FGF8: variants seen among roughly 807,000 people sequenced by gnomAD.
FGF8 encodes androgen-induced growth factor.
FGF8 carries 12 observed loss-of-function variants against 29.7 expected under a neutral mutation model. That is an observed-to-expected ratio of 0.40 (90% CI 0.26 to 0.65). FGF8 has a LOEUF of 0.65. Among genes scored for constraint, FGF8 ranks in the 30% least tolerant of loss-of-function variants. The probability of loss-of-function intolerance (pLI) is 0.37; values close to 1 mark genes in which losing one functional copy is unlikely to be tolerated. For synonymous variants in FGF8, 157 were observed against 144.4 expected, an observed-to-expected ratio of 1.09 and a Z score of -0.63; for missense variants, 271 against 345.1, an observed-to-expected ratio of 0.79 and a Z score of 1.70.
Position 101,770,448 on chromosome 10 carries a change from G to A in FGF8, c.616C>T (p.Arg206Trp). The A allele has an allele frequency of 6.2e-7, 1 of 1,610,842 alleles. No homozygotes were observed. Among genetic ancestry groups the A allele is most frequent in the Non-Finnish European group, 8.5e-7 (1 of 1,178,738 alleles). ...QHQREVHFMKRLPRGHHTTEQ... is the reference protein window; with the variant it reads ...QHQREVHFMKWLPRGHHTTEQ... ...GTGGTGTGGTGGCCCCGGGGCAGCCGCTTCATGAAGTGGACCTCACGCTGG... is the reference window on the plus strand; with the variant it reads ...GTGGTGTGGTGGCCCCGGGGCAGCCACTTCATGAAGTGGACCTCACGCTGG... The change falls in exon 6 of 6, where the codon CGG (arginine) becomes TGG (tryptophan). Residue 206 changes from arginine (R) to tryptophan (W), a missense_variant. Physicochemically the swap from Arg to Trp is moderately radical, Grantham distance 101 (BLOSUM62 -3). Coordinates refer to ENST00000320185, the MANE Select transcript of FGF8 (RefSeq NM_033163.5).
Position 101,775,672 on chromosome 10 carries a change from G to A in FGF8, c.69+68C>T, listed in dbSNP as rs1397147245. The A allele has an allele frequency of 2.6e-6, 4 of 1,515,418 alleles. No homozygotes were observed. Among genetic ancestry groups the A allele is most frequent in the Non-Finnish European group, 3.5e-6 (4 of 1,127,032 alleles). The allele number at this position is 1,515,418 out of a possible 1,614,324, so 93.9% of individuals were successfully genotyped here. A position where few individuals can be genotyped will look rare whatever the true frequency, so the allele number is the denominator to read the frequency against. ...CCGCAGAGTCAGTCCCGGTGCCCCC[G>A]ACCGGCGCTGCCCACCCGGGTCTCA... On this transcript the variant is annotated intron_variant, in intron 2 of 5. Coordinates refer to ENST00000320185, the MANE Select transcript of FGF8 (RefSeq NM_033163.5). The surrounding 1 kb of genome is among the most constrained non-coding windows in gnomAD (Gnocchi z 4.6).
At chr10:101,780,099 G>A (rs978118620), upstream of FGF8, among the ~76,000 whole-genome samples, 3 of 152,326 alleles carry the variant, frequency 2.0e-5, no homozygotes, top group South Asian at 6.2e-4. Context: ...TGCCGACCGC[G>A]CTCCGCAGCG....
upstream of FGF8, among the ~76,000 whole-genome samples, chr10:101,777,227 C>T (rs1394284573): frequency 6.6e-6 from 1 of 152,186 alleles, no homozygotes; most frequent in Non-Finnish European, 1.5e-5. Context: ...TCTGGAAACC[C>T]TGAGCCCCCA....
upstream of FGF8, chr10:101,780,284 C>T (rs2065131920): frequency 6.6e-6 from 1 of 152,324 alleles, no homozygotes; most frequent in Non-Finnish European, 1.5e-5. Context: ...AACTGGACCC[C>T]TAGTTCCTCA....
rs779071534 is a variant in FGF8, at chr10:101,770,461, G to T, written c.603C>A (p.Val201=). Residue 201 remains valine (V), a synonymous_variant, in exon 6 of 6, where the codon GTC becomes GTA. Transcript: ENST00000320185. Reference sequence around the variant, plus strand: ...CCCGGGGCAGCCGCTTCATGAAGTGGACCTCACGCTGGTGCTGCCGCGTCT... The same window carrying T: ...CCCGGGGCAGCCGCTTCATGAAGTGTACCTCACGCTGGTGCTGCCGCGTCT... The part of the protein sequence containing the change: ...GSKTRQHQRE[V]HFMKRLPRGH... The T allele has an allele frequency of 6.2e-7, 1 of 1,612,574 alleles. No individual in the cohort carries two copies. Among genetic ancestry groups the T allele is most frequent in the Non-Finnish European group, 8.5e-7 (1 of 1,179,356 alleles).
chr10:101,774,137 T>C (rs2065058136), intron 4 of FGF8, among the ~76,000 whole-genome samples: 1 of 152,210 alleles, frequency 6.6e-6, no homozygotes, highest in Admixed American at 6.5e-5. Context: ...GTTTTAGAAA[T>C]CAATCAGTCC....
Position 101,771,346 on chromosome 10 carries a change from C to T in FGF8, c.444+117G>A. 1.3e-6 allele frequency: 1 copy of T among 773,944 alleles called. No individual in the cohort carries two copies. The allele number at this position is 773,944 out of a possible 1,614,324, so 47.9% of individuals were successfully genotyped here. On this transcript the variant is annotated intron_variant, in intron 5 of 5. Transcript: ENST00000320185. The surrounding 1 kb of genome is among the most constrained non-coding windows in gnomAD (Gnocchi z 5.3). ...AATCGTGAGGTAACCCCAAGATGGC[C>T]CTGTGGCCTTCTGCCTACCTTGTTG...
At chr10:101,776,669 C>T (rs554121402), upstream of FGF8, among the ~76,000 whole-genome samples, 1 of 152,094 alleles carries the variant, frequency 6.6e-6, no homozygotes, top group African/African-American at 2.4e-5. Context: ...CGAATGGCTG[C>T]GCACCCGGCC....
upstream of FGF8, among the ~76,000 whole-genome samples, chr10:101,779,550 CTGA>C (rs2065126610): frequency 6.6e-6 from 1 of 152,104 alleles, no homozygotes; most frequent in African/African-American, 2.4e-5. This position sits in a 1 kb window ranked among gnomAD's most constrained non-coding sequence, Gnocchi z 5.7. Context: ...GGCCGAGAGG[CTGA>C]TGTGGATTGG....
upstream of FGF8, among the ~76,000 whole-genome samples, chr10:101,776,287 G>A (rs571683960): frequency 3.1e-3 from 462 of 146,784 alleles, 6 homozygotes; most frequent in South Asian, 6.5e-3. Context: ...GATGCAGCCC[G>A]GGGCGGGGGC....
chr10:101,774,664 G>C (rs1311468773), intron 4 of FGF8, 68 bp downstream of exon 4: 2 of 1,379,886 alleles, frequency 1.4e-6, no homozygotes, highest in South Asian at 1.2e-5. Context: ...GCAGGCCCCC[G>C]GCCAGTGCAG....
In FGF8 at chr10:101,775,839, G is replaced by A; in HGVS notation, c.32+30C>T. On this transcript the variant is annotated intron_variant, in intron 1 of 5. Coordinates refer to ENST00000320185, the MANE Select transcript of FGF8 (RefSeq NM_033163.5). This position sits in a 1 kb window ranked among gnomAD's most constrained non-coding sequence, Gnocchi z 4.6. ...GGTGAGGCGAGGGGCGCGGGGGGCG[G>A]GTGGCGGGGCAGGGCGGCGCGGTAC... is the stretch of plus-strand genomic sequence containing the variant. 6.6e-7 allele frequency: 1 copy of A among 1,516,576 alleles called. No homozygotes were observed. Among genetic ancestry groups the A allele is most frequent in the Non-Finnish European group, 8.8e-7 (1 of 1,135,802 alleles). 93.9% of individuals were successfully genotyped at this position (1,516,576 alleles called of 1,614,324 possible).
At chr10:101,776,879 C>CAA (rs1420451312), upstream of FGF8, among the ~76,000 whole-genome samples, 2 of 150,928 alleles carry the variant, frequency 1.3e-5, no homozygotes, top group Admixed American at 1.3e-4. Flanking sequence ...CACACACACA[C>CAA]ACACACACAC....
Position 101,772,629 on chromosome 10 carries a change from C to T in FGF8, c.338-1060G>A, listed in dbSNP as rs1216999353. On this transcript the variant is annotated intron_variant, in intron 4 of 5. Coordinates refer to ENST00000320185, the MANE Select transcript of FGF8 (RefSeq NM_033163.5). This position sits in a 1 kb window ranked among gnomAD's most constrained non-coding sequence, Gnocchi z 4.4. ...CCTGCCGCAGAGCCCAGCCTCTCCCCTCCCTGAGAAAGCAGTTCTTGGACT... is the reference window on the plus strand; with the variant it reads ...CCTGCCGCAGAGCCCAGCCTCTCCCTTCCCTGAGAAAGCAGTTCTTGGACT... Among the ~76,000 whole-genome samples, 1 of 152,258 alleles carries T rather than the reference C, an allele frequency of 6.6e-6. No homozygotes were observed. The highest frequency in any genetic ancestry group is 1.5e-5 in the Non-Finnish European group (1 of 68,042).
upstream of FGF8, among the ~76,000 whole-genome samples, chr10:101,776,778 G>A (rs1461586574): frequency 6.6e-6 from 1 of 151,886 alleles, no homozygotes; most frequent in Non-Finnish European, 1.5e-5. Context: ...CTCTCCCGAG[G>A]AGGCCCTGGG....
In FGF8 at chr10:101,771,764, T is replaced by C. The variant is rs1431385990; in HGVS notation, c.338-195A>G. The stretch of plus-strand genomic sequence containing the variant: ...GGACCTCGGGCCCCACCCCTGGGTT[T>C]ACAGAGGGCAGTGGACGGGATTATG... On this transcript the variant is annotated intron_variant, in intron 4 of 5. Transcript: ENST00000320185. This position sits in a 1 kb window ranked among gnomAD's most constrained non-coding sequence, Gnocchi z 5.3. Among the ~76,000 whole-genome samples the C allele has an allele frequency of 1.3e-5, 2 of 152,198 alleles. No individual in the cohort carries two copies. The highest frequency in any genetic ancestry group is 4.8e-5 in the African/African-American group (2 of 41,446).
At chr10:101,774,415 G>T (rs548605567) in intron 4 of FGF8, among the ~76,000 whole-genome samples, 8 of 152,122 alleles carry the variant, frequency 5.3e-5, no homozygotes, top group African/African-American at 1.9e-4. Flanking sequence ...TCTTTCAAGC[G>T]CTTGCCTTAA....
In FGF8 at chr10:101,776,064, G is replaced by T. The variant is rs2065088153; in HGVS notation, c.-164C>A. 3.9e-6 allele frequency: 1 copy of T among 256,272 alleles called. No homozygotes were observed. Among genetic ancestry groups the T allele is most frequent in the South Asian group, 1.6e-4 (1 of 6,102 alleles). 15.9% of individuals were successfully genotyped at this position (256,272 alleles called of 1,614,324 possible). On this transcript the variant is annotated 5_prime_UTR_variant, in exon 1 of 6. Transcript: ENST00000320185. Reference sequence around the variant, plus strand: ...GGTCCCGTGGAACGTCGTGCTCGCCGCGCCGCACCGAATCGCTGTGCGCCG... The same window carrying T: ...GGTCCCGTGGAACGTCGTGCTCGCCTCGCCGCACCGAATCGCTGTGCGCCG...
In FGF8 at chr10:101,774,768, G is replaced by C; in HGVS notation, c.301C>G (p.Arg101Gly). ...CCGTCCTCTGCCATGGCGTTGATGC[G>C]CTTGTTGGCCAGGACCTGCACGTGC... The part of the protein sequence containing the change: ...GKHVQVLANK[R>G]INAMAEDGDP... Residue 101 changes from arginine (R) to glycine (G), a missense_variant, in exon 4 of 6, where the codon CGC (arginine) becomes GGC (glycine). Arg to Gly is a moderately radical substitution (Grantham distance 125, BLOSUM62 -2). Around this residue, in one of 3 missense-constraint regions of FGF8, gnomAD observed 168 missense variants for 207.0 expected, o/e 0.81. Transcript: ENST00000320185. The C allele has an allele frequency of 6.2e-7, 1 of 1,609,422 alleles. No individual in the cohort carries two copies. Among genetic ancestry groups the C allele is most frequent in the Non-Finnish European group, 8.5e-7 (1 of 1,179,934 alleles).
Sources: allele counts gnomAD v4.1 joint callset (sites outside exome capture counted in the v4.1 genomes callset), GRCh38; gene constraint gnomAD v4.1.1; regional missense constraint gnomAD v4.1.1; non-coding constraint Gnocchi (gnomAD v3.1); transcripts MANE v1.5; gene names NCBI Gene and HGNC (gene_info 2026-07-23, HGNC 2026-07-21).